Variants in SGPL1 observed in about 807,000 individuals in gnomAD.
The protein encoded by SGPL1 is SP-lyase 1.
SGPL1 carries 37 observed loss-of-function variants against 68.9 expected under a neutral mutation model. That is an observed-to-expected ratio of 0.54 (90% confidence interval 0.41 to 0.71). The LOEUF is 0.71. Ranked by LOEUF, SGPL1 falls within the 30% of genes least tolerant of loss-of-function variation. The pLI is 0.00. For synonymous variants in SGPL1, 236 were observed against 248.5 expected, an observed-to-expected ratio of 0.95 and a Z score of 0.47; for missense variants, 551 against 704.6, an observed-to-expected ratio of 0.78 and a Z score of 2.47.
chr10:70,860,579 GA>G (rs1846036092), intron 7 of SGPL1: 2 of 389,980 alleles, frequency 5.1e-6, no homozygotes, highest in Non-Finnish European at 1.0e-5. Flanking sequence ...TGAACAGGGT[GA>G]CTTTCAGAGG....
At chr10:70,868,594 A>G (rs143959235) in intron 8 of SGPL1, among the ~76,000 whole-genome samples, 161 bp downstream of exon 8, 1 of 152,100 alleles carries the variant, frequency 6.6e-6, no homozygotes, top group Non-Finnish European at 1.5e-5. Flanking sequence ...ATCCTTTTAC[A>G]TTCAGTAAAA....
intron 2 of SGPL1, among the ~76,000 whole-genome samples, chr10:70,821,253 C>G (rs952392917): frequency 2.0e-5 from 3 of 152,206 alleles, no homozygotes; most frequent in African/African-American, 7.2e-5. Context: ...TTGTAGCAGC[C>G]TTTCTCCCCC....
intron 2 of SGPL1, among the ~76,000 whole-genome samples, chr10:70,838,281 A>C (rs770455210): frequency 1.3e-5 from 2 of 152,242 alleles, no homozygotes; most frequent in Non-Finnish European, 2.9e-5. Flanking sequence ...TAATTTGATA[A>C]GGAAAAAATA....
intron 7 of SGPL1, among the ~76,000 whole-genome samples, chr10:70,861,737 GCAGCCGGCCGGCC>G (rs1326094120): frequency 6.6e-6 from 1 of 152,344 alleles, no homozygotes; most frequent in Non-Finnish European, 1.5e-5. Flanking sequence ...CGCACTCGGA[GCAGCCGGCCGGCC>G]CTGCCGGCCC....
chr10:70,821,992 A>T (rs573460152), intron 2 of SGPL1, among the ~76,000 whole-genome samples: 1 of 152,268 alleles, frequency 6.6e-6, no homozygotes, highest in South Asian at 2.1e-4. Context: ...AGCTTCCCTC[A>T]GTTTTGTTTT....
chr10:70,848,837 A>G (rs1179241330), intron 3 of SGPL1, among the ~76,000 whole-genome samples: 1 of 152,028 alleles, frequency 6.6e-6, no homozygotes, highest in Admixed American at 6.5e-5. Flanking sequence ...ACACATTTTT[A>G]TTTACTATGT....
At chr10:70,870,851 C>T (rs533152811) in intron 9 of SGPL1, among the ~76,000 whole-genome samples, 197 bp from the exon 10 acceptor site, 2 of 152,276 alleles carry the variant, frequency 1.3e-5, no homozygotes, top group East Asian at 3.9e-4. Context: ...TCAGACTATT[C>T]TCCAAATGGA....
chr10:70,870,891 C>G (rs116368531), intron 9 of SGPL1, among the ~76,000 whole-genome samples, 157 bp from the exon 10 acceptor site: 63 of 152,304 alleles, frequency 4.1e-4, no homozygotes, highest in African/African-American at 1.4e-3. Flanking sequence ...GTCCTGTCAC[C>G]GTGGTGGGAT....
Position 70,872,876 on chromosome 10 carries a change from C to G in SGPL1, c.1060-475C>G, listed in dbSNP as rs184691256. Among the ~76,000 whole-genome samples, 105 of 152,204 alleles carry G rather than the reference C, an allele frequency of 6.9e-4. 1 individual carries two copies. Among genetic ancestry groups the G allele is most frequent in the Admixed American group, 1.4e-3 (22 of 15,296 alleles). ...TTAATTTTAAAGCTGGATTAAGTAGCTTTTAGTTTCTGAGCACCATTATGT... is the reference window on the plus strand; with the variant it reads ...TTAATTTTAAAGCTGGATTAAGTAGGTTTTAGTTTCTGAGCACCATTATGT... On this transcript the variant is annotated intron_variant, in intron 11 of 14. Coordinates refer to ENST00000373202, the MANE Select transcript of SGPL1 (RefSeq NM_003901.4).
chr10:70,829,264 T>C (rs1845492176), intron 2 of SGPL1, among the ~76,000 whole-genome samples: 1 of 152,160 alleles, frequency 6.6e-6, no homozygotes, highest in Non-Finnish European at 1.5e-5. Context: ...TTGTTGAAGA[T>C]TAAGAGTTGA....
Position 70,878,914 on chromosome 10 carries a change from A to T in SGPL1, c.*1579A>T. The T allele has an allele frequency of 6.5e-6, 1 of 152,856 alleles. No individual in the cohort carries two copies. The allele number at this position is 152,856 out of a possible 1,614,324, so 9.5% of individuals were successfully genotyped here. ...GCCCAGGGCCTGTAATCCCTTCCCAAGACTAGCTGCTCAGGGTGGTGCAGG... is the reference window on the plus strand; with the variant it reads ...GCCCAGGGCCTGTAATCCCTTCCCATGACTAGCTGCTCAGGGTGGTGCAGG... On this transcript the variant is annotated 3_prime_UTR_variant, in exon 15 of 15. Coordinates refer to ENST00000373202, the MANE Select transcript of SGPL1 (RefSeq NM_003901.4).
intron 7 of SGPL1, among the ~76,000 whole-genome samples, chr10:70,864,624 T>C (rs755242177): frequency 2.0e-5 from 3 of 152,226 alleles, no homozygotes; most frequent in Non-Finnish European, 4.4e-5. Context: ...GAGAAAGTTA[T>C]AAGGGGTTTC....
At chr10:70,874,499 T>A (rs1236712712) in intron 12 of SGPL1, among the ~76,000 whole-genome samples, 1 of 151,936 alleles carries the variant, frequency 6.6e-6, no homozygotes, top group Non-Finnish European at 1.5e-5. Context: ...CTGAGGCGGG[T>A]GGATCACCTG....
At position 70,868,444 on chromosome 10, in the gene SGPL1, G is replaced by T. The variant is rs765394807; in HGVS notation, c.704+11G>T. On this transcript the variant is annotated intron_variant, in intron 8 of 14. Transcript: ENST00000373202. Reference sequence around the variant, plus strand: ...CAAAACTCCAGAAATGTATGTATGTGTGGCTGTTTTGTCCCCTTTTGGATT... The same window carrying T: ...CAAAACTCCAGAAATGTATGTATGTTTGGCTGTTTTGTCCCCTTTTGGATT... The T allele has an allele frequency of 1.2e-6, 2 of 1,608,070 alleles. No homozygotes were observed. The highest frequency in any genetic ancestry group is 2.2e-5 in the East Asian group (1 of 44,838).
At chr10:70,853,620 T>C (rs574521334) in intron 4 of SGPL1, among the ~76,000 whole-genome samples, 1 of 152,346 alleles carries the variant, frequency 6.6e-6, no homozygotes, top group South Asian at 2.1e-4. Flanking sequence ...TAAGTTTGTT[T>C]TGTTCACTAT....
At chr10:70,831,975 T>A (rs1314820173) in intron 2 of SGPL1, among the ~76,000 whole-genome samples, 1 of 152,168 alleles carries the variant, frequency 6.6e-6, no homozygotes, top group Non-Finnish European at 1.5e-5. Flanking sequence ...TGAGAGAGAT[T>A]CTGTTTCCTG....
At chr10:70,856,868 T>C (rs1845973031) in intron 5 of SGPL1, among the ~76,000 whole-genome samples, 1 of 152,168 alleles carries the variant, frequency 6.6e-6, no homozygotes, top group South Asian at 2.1e-4. Context: ...GTGGGTAAAA[T>C]GAAGAATGTC....
intron 8 of SGPL1, 103 bp from the exon 9 acceptor site, chr10:70,869,689 A>G (rs1310438073): frequency 1.1e-6 from 1 of 873,464 alleles, no homozygotes; most frequent in Non-Finnish European, 1.8e-6. Flanking sequence ...TAATTTGGGG[A>G]AAAATAATCA....
At chr10:70,870,374 G>T (rs1257109588) in intron 9 of SGPL1, among the ~76,000 whole-genome samples, 1 of 151,976 alleles carries the variant, frequency 6.6e-6, no homozygotes, top group Non-Finnish European at 1.5e-5. Flanking sequence ...GGACATGGTG[G>T]CATGCACCTG....
Sources: gnomAD v4.1 joint callset for allele counts (sites outside exome capture counted in the v4.1 genomes callset) on GRCh38, gnomAD v4.1.1 for gene constraint, MANE v1.5 for transcripts, NCBI Gene and HGNC (gene_info 2026-07-23, HGNC 2026-07-21) for gene names.